The following ATP6V1B1 variants were observed in gnomAD, a reference collection of about 807,000 sequenced individuals.
ATP6V1B1 encodes ATPase H+ transporting V1 subunit B1, also known as V-type proton ATPase subunit B, kidney isoform.
A neutral mutation model predicts 62.1 loss-of-function variants in ATP6V1B1; 41 were observed. That is an observed-to-expected ratio of 0.66 (90% confidence interval 0.51 to 0.86). The LOEUF (loss-of-function observed/expected upper bound fraction) is 0.86, where lower values mean the gene tolerates loss of function less well. ATP6V1B1 is among the 40% of genes least tolerant of loss of function. ATP6V1B1 has a pLI of 0.00. For synonymous variants in ATP6V1B1, 253 were observed against 273.4 expected, an observed-to-expected ratio of 0.93 and a Z score of 0.74; for missense variants, 651 against 697.5, an observed-to-expected ratio of 0.93 and a Z score of 0.75.
At chr2:70,950,104 A>G (rs1203349249) in intron 2 of ATP6V1B1, among the ~76,000 whole-genome samples, 12 of 152,086 alleles carry the variant, frequency 7.9e-5, no homozygotes, top group African/African-American at 2.2e-4. Context: ...TTCCCCTCTG[A>G]GAATTAATTA....
rs899733799 is a variant in ATP6V1B1 at position 70,964,939 on chromosome 2, C to A, written c.1379-19C>A. 2.7e-5 allele frequency: 43 copies of A among 1,613,910 alleles called. No homozygotes were observed. Among genetic ancestry groups the A allele is most frequent in the Non-Finnish European group, 3.3e-5 (39 of 1,180,042 alleles). Reference sequence around the variant, plus strand: ...CGCCCCACACACATTCCTAACACTCCCTCCCGCTCTGTCCCTAGGCCCCTA... The same window carrying A: ...CGCCCCACACACATTCCTAACACTCACTCCCGCTCTGTCCCTAGGCCCCTA... On this transcript the variant is annotated intron_variant, in intron 13 of 13. Coordinates refer to ENST00000234396, the MANE Select transcript of ATP6V1B1 (RefSeq NM_001692.4).
intron 2 of ATP6V1B1, among the ~76,000 whole-genome samples, chr2:70,951,235 G>A (rs1680317530): frequency 6.6e-6 from 1 of 152,026 alleles, no homozygotes; most frequent in Admixed American, 6.6e-5. Flanking sequence ...GATCCACTGC[G>A]CCCGGCCTTC....
intron 1 of ATP6V1B1, chr2:70,941,488 C>T: frequency 1.0e-6 from 1 of 976,764 alleles, no homozygotes; most frequent in Non-Finnish European, 1.2e-6. Flanking sequence ...CGGCCCTTCC[C>T]ATAAGATGCT....
Position 70,965,054 on chromosome 2 carries a change from C to T in ATP6V1B1, c.1475C>T (p.Ala492Val). ...GAGATGCTGAAGCGCATTCCGCAGGCCGTGATCGACGAGTTCTATTCCCGC... is the reference window on the plus strand; with the variant it reads ...GAGATGCTGAAGCGCATTCCGCAGGTCGTGATCGACGAGTTCTATTCCCGC... The part of the protein sequence containing the change: ...PKEMLKRIPQ[A>V]VIDEFYSREG... Residue 492 changes from alanine (A) to valine (V), a missense_variant, in exon 14 of 14, where the codon GCC (alanine) becomes GTC (valine). Transcript: ENST00000234396. 6.2e-7 allele frequency: 1 copy of T among 1,613,518 alleles called. No homozygotes were observed. Among genetic ancestry groups the T allele is most frequent in the South Asian group, 1.1e-5 (1 of 91,090 alleles).
chr2:70,941,725 GGAA>G (rs1477382819), intron 1 of ATP6V1B1: 1 of 985,112 alleles, frequency 1.0e-6, no homozygotes, highest in Non-Finnish European at 1.2e-6. Flanking sequence ...AGGGAGGGAA[GGAA>G]GAAGGCAGAT....
chr2:70,962,846 G>A lies in ATP6V1B1; in HGVS notation c.855G>A (p.Lys285=), dbSNP rs1421778144. The part of the protein sequence containing the change: ...TAEFLAYQCE[K]HVLVILTDMS... ...AATTCCTTGCCTACCAGTGTGAGAA[G>A]CATGTGCTGGTCATACTGACGGACA... is the stretch of plus-strand genomic sequence containing the variant. Residue 285 remains lysine, a synonymous_variant, in exon 9 of 14, where the codon AAG becomes AAA. Coordinates refer to ENST00000234396, the MANE Select transcript of ATP6V1B1 (RefSeq NM_001692.4). 4 of 1,614,098 alleles carry A rather than the reference G, an allele frequency of 2.5e-6. No individual in the cohort carries two copies. The highest frequency in any genetic ancestry group is 1.3e-5 in the African/African-American group (1 of 74,928).
chr2:70,943,677 C>T lies in ATP6V1B1; in HGVS notation c.138C>T (p.Ser46=), dbSNP rs2266918. ...CCCCAGCCTACAGGACTGTGTGCAG[C>T]GTGAACGGGCCCCTGGTGGTGCTGG... ...HPRVTYRTVC[S]VNGPLVVLDR... is the part of the protein sequence containing the mutation. The change falls in exon 2 of 14, where the codon AGC becomes AGT. Residue 46 remains serine (S), a synonymous_variant. Transcript: ENST00000234396. The T allele has an allele frequency of 0.2, 327,124 of 1,613,456 alleles. 38,987 individuals carry two copies. The highest frequency in any genetic ancestry group is 0.54 in the East Asian group (24,125 of 44,828).
At chr2:70,953,567 A>AT (rs1553418589) in intron 2 of ATP6V1B1, among the ~76,000 whole-genome samples, 1 of 151,922 alleles carries the variant, frequency 6.6e-6, no homozygotes, top group Non-Finnish European at 1.5e-5. Context: ...TTTCTTTACT[A>AT]TTTTGGCTTA....
chr2:70,953,129 G>A (rs1680358618), intron 2 of ATP6V1B1, among the ~76,000 whole-genome samples: 1 of 152,050 alleles, frequency 6.6e-6, no homozygotes, highest in South Asian at 2.1e-4. Flanking sequence ...ACCACACCTG[G>A]CTAATTTTGT....
intron 2 of ATP6V1B1, among the ~76,000 whole-genome samples, chr2:70,946,679 C>T (rs1680182050): frequency 6.6e-6 from 1 of 152,208 alleles, no homozygotes; most frequent in African/African-American, 2.4e-5. Flanking sequence ...AATGTTTCTG[C>T]CTGGAATGCA....
In ATP6V1B1 at chr2:70,963,004, C is replaced by A. The variant is rs964741417; in HGVS notation, c.909+104C>A. The A allele has an allele frequency of 1.1e-5, 17 of 1,601,146 alleles. No homozygotes were observed. Among genetic ancestry groups the A allele is most frequent in the Admixed American group, 1.7e-5 (1 of 59,620 alleles). Reference sequence around the variant, plus strand: ...TAGAGGGGAGCTGGTCCACCCAAGCCTGCCCCACTCCCATGAGTTCCAGGG... The same window carrying A: ...TAGAGGGGAGCTGGTCCACCCAAGCATGCCCCACTCCCATGAGTTCCAGGG... On this transcript the variant is annotated intron_variant, in intron 9 of 13. Coordinates refer to ENST00000234396, the MANE Select transcript of ATP6V1B1 (RefSeq NM_001692.4). The surrounding 1 kb of genome is among the most constrained non-coding windows in gnomAD (Gnocchi z 4.3).
rs1680690845 is a variant in ATP6V1B1, at chr2:70,965,045, T to C, written c.1466T>C (p.Ile489Thr). 3.7e-6 allele frequency: 6 copies of C among 1,613,556 alleles called. No homozygotes were observed. The highest frequency in any genetic ancestry group is 5.1e-6 in the Non-Finnish European group (6 of 1,180,030). The part of the protein sequence containing the change: ...RIFPKEMLKR[I>T]PQAVIDEFYS... The stretch of plus-strand genomic sequence containing the variant: ...TTCCCCAAGGAGATGCTGAAGCGCA[T>C]TCCGCAGGCCGTGATCGACGAGTTC... The change falls in exon 14 of 14, where the codon ATT (isoleucine) becomes ACT (threonine). Residue 489 changes from isoleucine to threonine, a missense_variant. Coordinates refer to ENST00000234396, the MANE Select transcript of ATP6V1B1 (RefSeq NM_001692.4).
chr2:70,964,763 G>C lies in ATP6V1B1; in HGVS notation c.1276G>C (p.Val426Leu), dbSNP rs531239712. 2.5e-6 allele frequency: 4 copies of C among 1,613,992 alleles called. No homozygotes were observed. Among genetic ancestry groups the C allele is most frequent in the Non-Finnish European group, 3.4e-6 (4 of 1,180,028 alleles). Residue 426 changes from valine to leucine, a missense_variant, in exon 13 of 14, where the codon GTG becomes CTG. By Grantham distance (32) the Val-to-Leu change is conservative. Transcript: ENST00000234396. ...CGCCTGCTATGCCATCGGGAAGGACGTGCAGGCCATGAAGGCAGTAGTTGG... is the reference window on the plus strand; with the variant it reads ...CGCCTGCTATGCCATCGGGAAGGACCTGCAGGCCATGAAGGCAGTAGTTGG... ...LYACYAIGKD[V>L]QAMKAVVGEE...
At position 70,963,741 on chromosome 2, in the gene ATP6V1B1, G is replaced by C; in HGVS notation, c.1143+87G>C. On this transcript the variant is annotated intron_variant, in intron 11 of 13. Transcript: ENST00000234396. The surrounding 1 kb of genome is among the most constrained non-coding windows in gnomAD (Gnocchi z 4.3). ...TTTCACTGCCCCCAGGCATGAATTAGGAGGGGCCAGCCAAAGCGAACCCCA... is the reference window on the plus strand; with the variant it reads ...TTTCACTGCCCCCAGGCATGAATTACGAGGGGCCAGCCAAAGCGAACCCCA... 6.8e-7 allele frequency: 1 copy of C among 1,474,694 alleles called. No homozygotes were observed. The highest frequency in any genetic ancestry group is 9.4e-7 in the Non-Finnish European group (1 of 1,062,112). The allele number at this position is 1,474,694 out of a possible 1,614,324, so 91.4% of individuals were successfully genotyped here.
In ATP6V1B1 at chr2:70,963,463, C is replaced by T. The variant is rs970722332; in HGVS notation, c.1061-109C>T. ...ACTGCCCTTTCCTCCACCATCCATG[C>T]CCCCCACACATCCCTATCACTCCCA... On this transcript the variant is annotated intron_variant, in intron 10 of 13. Transcript: ENST00000234396. This position sits in a 1 kb window ranked among gnomAD's most constrained non-coding sequence, Gnocchi z 4.3. 76 of 1,516,602 alleles carry T rather than the reference C, an allele frequency of 5.0e-5. No homozygotes were observed. Among genetic ancestry groups the T allele is most frequent in the Non-Finnish European group, 6.7e-5 (73 of 1,096,846 alleles). The allele number at this position is 1,516,602 out of a possible 1,614,324, so 93.9% of individuals were successfully genotyped here.
chr2:70,961,016 C>T lies in ATP6V1B1; in HGVS notation c.681C>T (p.Ala227=). 6.3e-7 allele frequency: 1 copy of T among 1,583,716 alleles called. No homozygotes were observed. The highest frequency in any genetic ancestry group is 1.3e-5 in the African/African-American group (1 of 74,298). ...HDDNFAIVFA[A]MGVNMETARF... ...ACAACTTCGCCATCGTCTTTGCAGC[C>T]ATGGGGGTGAGGAGACTTAGTAGAC... Residue 227 remains alanine (A), a synonymous_variant, in exon 7 of 14, where the codon GCC becomes GCT. Transcript: ENST00000234396.
intron 1 of ATP6V1B1, among the ~76,000 whole-genome samples, chr2:70,936,824 G>A (rs1469604125): frequency 1.3e-5 from 2 of 152,176 alleles, no homozygotes; most frequent in Non-Finnish European, 2.9e-5. Flanking sequence ...ATAAGAATGC[G>A]TATCCAGGTG....
intron 2 of ATP6V1B1, among the ~76,000 whole-genome samples, chr2:70,956,499 G>A (rs1680435362): frequency 6.6e-6 from 1 of 152,204 alleles, no homozygotes; most frequent in African/African-American, 2.4e-5. Flanking sequence ...TGGCTATTAT[G>A]AATATTGCCA....
At chr2:70,937,741 T>C (rs1166336382) in intron 1 of ATP6V1B1, among the ~76,000 whole-genome samples, 4 of 151,930 alleles carry the variant, frequency 2.6e-5, no homozygotes, top group Admixed American at 6.5e-5. Flanking sequence ...TCCTTCTTCC[T>C]GGAAAGTGCC....
Sources: allele counts gnomAD v4.1 joint callset (sites outside exome capture counted in the v4.1 genomes callset), GRCh38; gene constraint gnomAD v4.1.1; non-coding constraint Gnocchi (gnomAD v3.1); transcripts MANE v1.5; gene names NCBI Gene and HGNC (gene_info 2026-07-23, HGNC 2026-07-21).